The following SPOCK3 variants were observed in gnomAD, a reference collection of about 807,000 sequenced individuals.
The protein encoded by SPOCK3 is SPARC (osteonectin), cwcv and kazal like domains proteoglycan 3.
SPOCK3 carries 30 observed loss-of-function variants against 56.6 expected under a neutral mutation model. That is an observed-to-expected ratio of 0.53 (90% CI 0.40 to 0.72). SPOCK3 has a LOEUF of 0.72. Ranked by LOEUF, SPOCK3 falls within the 30% of genes least tolerant of loss-of-function variation. The pLI is 0.00. For synonymous variants in SPOCK3, 196 were observed against 183.3 expected (o/e 1.07, Z -0.56); for missense variants, 527 against 530.0 (o/e 0.99, Z 0.06).
At chr4:166,832,590 C>T (rs1746196227) in intron 6 of SPOCK3, among the ~76,000 whole-genome samples, 2 of 152,034 alleles carry the variant, frequency 1.3e-5, no homozygotes, top group South Asian at 4.2e-4. Context: ...ATAAATTGTT[C>T]TACCAAAAAG....
intron 3 of SPOCK3, among the ~76,000 whole-genome samples, chr4:167,013,662 G>C (rs1750316788): frequency 6.6e-6 from 1 of 151,742 alleles, no homozygotes; most frequent in African/African-American, 2.4e-5. Flanking sequence ...TGTCTTTCCG[G>C]TGTTAGAACT....
At chr4:166,926,486 T>C (rs1307668893) in intron 4 of SPOCK3, among the ~76,000 whole-genome samples, 1 of 152,104 alleles carries the variant, frequency 6.6e-6, no homozygotes, top group African/African-American at 2.4e-5. Context: ...AATAATTCAA[T>C]GGGAAGGTTT....
chr4:166,863,090 G>C (rs1163033251), intron 6 of SPOCK3, among the ~76,000 whole-genome samples: 1 of 152,074 alleles, frequency 6.6e-6, no homozygotes, highest in Non-Finnish European at 1.5e-5. Context: ...AGCCAAAAGA[G>C]AGTGGGGGTC....
In SPOCK3 at chr4:166,916,927, G is replaced by A. The variant is rs371903748; in HGVS notation, c.351-4184C>T. ...TTATGATTTTAGGATTTGATTTAGT[G>A]TTAACAAGTGAAGCAAATATATCAT... On this transcript the variant is annotated intron_variant, in intron 4 of 10. Transcript: ENST00000357545. Among the ~76,000 whole-genome samples, 28 of 152,294 alleles carry A rather than the reference G, an allele frequency of 1.8e-4. 1 individual carries two copies. Among genetic ancestry groups the A allele is most frequent in the East Asian group, 1.7e-3 (9 of 5,182 alleles).
intron 6 of SPOCK3, among the ~76,000 whole-genome samples, chr4:166,813,853 A>G (rs1323965137): frequency 6.6e-6 from 1 of 152,076 alleles, no homozygotes; most frequent in African/African-American, 2.4e-5. Flanking sequence ...TTGTTATAAC[A>G]TGTCTGAATA....
At chr4:167,106,736 T>A (rs1760191762) in intron 2 of SPOCK3, among the ~76,000 whole-genome samples, 1 of 146,936 alleles carries the variant, frequency 6.8e-6, no homozygotes, top group Non-Finnish European at 1.5e-5. Flanking sequence ...AAGATAAAAT[T>A]GACAAACCTT....
At chr4:167,223,845 T>C (rs1176556497) in intron 2 of SPOCK3, among the ~76,000 whole-genome samples, 1 of 152,090 alleles carries the variant, frequency 6.6e-6, no homozygotes, top group Non-Finnish European at 1.5e-5. Flanking sequence ...TGTATTAAAG[T>C]GCTTGTTATT....
At chr4:167,131,096 A>G (rs1762664539) in intron 2 of SPOCK3, among the ~76,000 whole-genome samples, 1 of 152,196 alleles carries the variant, frequency 6.6e-6, no homozygotes, top group East Asian at 1.9e-4. Flanking sequence ...TAAAAATATT[A>G]CTAAATTAAT....
chr4:167,190,875 A>G (rs567955809), intron 2 of SPOCK3, among the ~76,000 whole-genome samples: 1 of 145,922 alleles, frequency 6.9e-6, no homozygotes, highest in South Asian at 2.1e-4. Flanking sequence ...AGAATATCCA[A>G]TATCCTTTTC....
intron 4 of SPOCK3, among the ~76,000 whole-genome samples, chr4:166,954,727 GT>G (rs1275221386): frequency 1.3e-5 from 2 of 152,110 alleles, no homozygotes; most frequent in Non-Finnish European, 2.9e-5. Flanking sequence ...CAAGTCAATG[GT>G]TTTAAATAAA....
intron 4 of SPOCK3, among the ~76,000 whole-genome samples, chr4:166,922,887 T>A (rs558574508): frequency 6.6e-6 from 1 of 152,330 alleles, no homozygotes; most frequent in South Asian, 2.1e-4. Flanking sequence ...ATGCCTGTTT[T>A]TCCTTTCGTT....
intron 7 of SPOCK3, among the ~76,000 whole-genome samples, chr4:166,787,521 CAAAT>C (rs1050724791): frequency 1.3e-5 from 2 of 151,934 alleles, no homozygotes; most frequent in South Asian, 2.1e-4. Context: ...GCATCAATAA[CAAAT>C]AATTTTAAAA....
chr4:166,946,369 C>T (rs780593781), intron 4 of SPOCK3, among the ~76,000 whole-genome samples: 10 of 152,276 alleles, frequency 6.6e-5, no homozygotes, highest in Non-Finnish European at 1.2e-4. Context: ...TTTTTCAGAG[C>T]ACATCTAATT....
Position 167,127,772 on chromosome 4 carries a change from G to A in SPOCK3, c.190-65235C>T, listed in dbSNP as rs960826662. ...TAACCAATTATTCATTTATAGAAGT[G>A]GACAAAAATAGAGTGATGATAAATA... On this transcript the variant is annotated intron_variant, in intron 2 of 10. Coordinates refer to ENST00000357545, the MANE Select transcript of SPOCK3 (RefSeq NM_001040159.2). Among the ~76,000 whole-genome samples, 3 of 151,990 alleles carry A rather than the reference G, an allele frequency of 2.0e-5. No individual in the cohort carries two copies. In the East Asian group the frequency reaches 5.8e-4, roughly 29 times the overall value.
rs1288815380 is a variant in SPOCK3 at position 166,850,418 on chromosome 4, G to T, written c.589+38712C>A. Among the ~76,000 whole-genome samples, 4 of 152,324 alleles carry T rather than the reference G, an allele frequency of 2.6e-5. No individual in the cohort carries two copies. In the East Asian group the frequency reaches 7.7e-4, roughly 29 times the overall value. On this transcript the variant is annotated intron_variant, in intron 6 of 10. Transcript: ENST00000357545. The stretch of plus-strand genomic sequence containing the variant: ...GTGATATAATAGGGTTCTGGATTTG[G>T]AAGGACTCTGAATGTGATGCTAAGA...
intron 3 of SPOCK3, among the ~76,000 whole-genome samples, chr4:167,051,438 A>G (rs1754190378): frequency 6.6e-6 from 1 of 152,224 alleles, no homozygotes; most frequent in South Asian, 2.1e-4. Flanking sequence ...GTTTTTTCCA[A>G]GACAAACTGT....
At chr4:166,737,145 T>C (rs1051041637) in intron 10 of SPOCK3, among the ~76,000 whole-genome samples, 1 of 152,142 alleles carries the variant, frequency 6.6e-6, no homozygotes, top group Non-Finnish European at 1.5e-5. Context: ...GTTTATTGAC[T>C]TGCAGTAGGA....
intron 4 of SPOCK3, among the ~76,000 whole-genome samples, chr4:166,971,017 A>G (rs1448006225): frequency 2.0e-5 from 3 of 152,202 alleles, no homozygotes; most frequent in African/African-American, 7.2e-5. Context: ...GCATACCAGC[A>G]TACCTGGCTT....
At chr4:166,826,626 A>T (rs1745509709) in intron 6 of SPOCK3, among the ~76,000 whole-genome samples, 1 of 152,176 alleles carries the variant, frequency 6.6e-6, no homozygotes, top group Admixed American at 6.6e-5. Context: ...AAGAGCACGT[A>T]TAATTTTACA....
Sources: gnomAD v4.1 joint callset for allele counts (sites outside exome capture counted in the v4.1 genomes callset) on GRCh38, gnomAD v4.1.1 for gene constraint, MANE v1.5 for transcripts, NCBI Gene and HGNC (gene_info 2026-07-23, HGNC 2026-07-21) for gene names.